Variants in MYO1D observed in about 807,000 individuals in gnomAD.
The protein encoded by MYO1D is myosin ID.
A neutral mutation model predicts 122.0 loss-of-function variants in MYO1D; 83 were observed. That is an observed-to-expected ratio of 0.68 (90% CI 0.57 to 0.82). The LOEUF is 0.82. MYO1D is among the 40% of genes least tolerant of loss of function. MYO1D has a pLI of 0.00. For synonymous variants in MYO1D, 464 were observed against 446.9 expected (o/e 1.04, Z -0.48); for missense variants, 1,157 against 1,269.5 (o/e 0.91, Z 1.35).
At chr17:32,848,641 A>G (rs138170207) in intron 1 of MYO1D, among the ~76,000 whole-genome samples, 128 of 152,252 alleles carry the variant, frequency 8.4e-4, no homozygotes, top group African/African-American at 3.0e-3. Context: ...TGTTGCTTAC[A>G]CTGGATTTAA....
chr17:32,603,871 C>T (rs2087593922), intron 21 of MYO1D, among the ~76,000 whole-genome samples: 1 of 152,068 alleles, frequency 6.6e-6, no homozygotes, highest in Non-Finnish European at 1.5e-5. Flanking sequence ...ATTTATTTGG[C>T]AGATGGAAAG....
intron 1 of MYO1D, among the ~76,000 whole-genome samples, chr17:32,856,071 C>A (rs932238856): frequency 6.6e-6 from 1 of 152,232 alleles, no homozygotes; most frequent in Middle Eastern, 3.4e-3. Flanking sequence ...AATGTGCATG[C>A]AGATGCTATT....
rs187657417 is a variant in MYO1D, at chr17:32,657,092, G to T, written c.2345+2023C>A. ...TAAATACGTGTAGCCAACAACAGCT[G>T]CAGCCATAAAAATCACCAGCCTCAA... On this transcript the variant is annotated intron_variant, in intron 17 of 21. Transcript: ENST00000318217. Among the ~76,000 whole-genome samples the T allele has an allele frequency of 6.4e-3, 975 of 152,300 alleles. 14 individuals carry two copies. Among genetic ancestry groups the T allele is most frequent in the African/African-American group, 0.022 (913 of 41,558 alleles).
intron 10 of MYO1D, among the ~76,000 whole-genome samples, chr17:32,757,397 C>G (rs2089959501): frequency 2.0e-5 from 3 of 152,006 alleles, no homozygotes; most frequent in Non-Finnish European, 4.4e-5. Context: ...TGGGTAGAGG[C>G]CAGGGGTGCT....
intron 14 of MYO1D, among the ~76,000 whole-genome samples, chr17:32,728,274 C>G (rs892216968): frequency 2.0e-5 from 3 of 151,300 alleles, no homozygotes; most frequent in Non-Finnish European, 2.9e-5. Context: ...GGCGTGATCT[C>G]AGCTCATTGC....
At chr17:32,713,756 A>G (rs2089408320) in intron 15 of MYO1D, among the ~76,000 whole-genome samples, 1 of 152,098 alleles carries the variant, frequency 6.6e-6, no homozygotes, top group South Asian at 2.1e-4. Flanking sequence ...CCTCCTGAGC[A>G]GTTGGGATTA....
At chr17:32,650,217 T>C (rs546843191) in intron 19 of MYO1D, among the ~76,000 whole-genome samples, 1 of 152,344 alleles carries the variant, frequency 6.6e-6, no homozygotes, top group Non-Finnish European at 1.5e-5. Context: ...TAAGTTGTTG[T>C]TGTTTTTTCA....
At chr17:32,808,315 C>T (rs1195387146) in intron 1 of MYO1D, among the ~76,000 whole-genome samples, 1 of 149,516 alleles carries the variant, frequency 6.7e-6, no homozygotes, top group Non-Finnish European at 1.5e-5. Context: ...TACGAGGCTG[C>T]AGTGAGATAT....
At chr17:32,663,732 C>T (rs2640837) in intron 16 of MYO1D, among the ~76,000 whole-genome samples, 66,884 of 151,956 alleles carry the variant, frequency 0.44, 14,989 homozygotes, top group East Asian at 0.54. Flanking sequence ...AAAGGGTCCC[C>T]GATGAAGGTG....
intron 1 of MYO1D, among the ~76,000 whole-genome samples, chr17:32,784,424 T>G (rs1230116539): frequency 6.6e-6 from 1 of 152,134 alleles, no homozygotes; most frequent in Non-Finnish European, 1.5e-5. Flanking sequence ...CAACGTCAGT[T>G]TTATGGTCTT....
chr17:32,635,700 G>A (rs1033968773), intron 20 of MYO1D, among the ~76,000 whole-genome samples: 4 of 151,476 alleles, frequency 2.6e-5, no homozygotes, highest in Non-Finnish European at 4.4e-5. Context: ...CTCGGGTGGC[G>A]GGGGGGTGGA....
In MYO1D at chr17:32,660,282, CTT is replaced by C. The variant is rs200999040; in HGVS notation, c.2122-946_2122-945del. On this transcript the variant is annotated intron_variant, in intron 16 of 21. Coordinates refer to ENST00000318217, the MANE Select transcript of MYO1D (RefSeq NM_015194.3). ...TGCTACTTAAATAACTGTTCCAACT[CTT>C]AGGTTGATTATATTATTTCCCTCCC... 4.0e-3 allele frequency among the ~76,000 whole-genome samples: 603 copies of C among 152,326 alleles called. 4 individuals are homozygous for C. The highest frequency in any genetic ancestry group is 8.1e-3 in the Admixed American group (124 of 15,290).
At chr17:32,730,561 G>A (rs1236921032) in intron 14 of MYO1D, among the ~76,000 whole-genome samples, 2 of 152,016 alleles carry the variant, frequency 1.3e-5, no homozygotes, top group Non-Finnish European at 2.9e-5. Flanking sequence ...ATTCTTTATT[G>A]TGCCTTTGTT....
intron 12 of MYO1D, among the ~76,000 whole-genome samples, chr17:32,747,663 C>A (rs2089851776): frequency 6.6e-6 from 1 of 151,826 alleles, no homozygotes; most frequent in Non-Finnish European, 1.5e-5. Context: ...ATGGTGAAAC[C>A]CCGTCTCCAC....
At chr17:32,636,944 G>A (rs2088108835) in intron 20 of MYO1D, among the ~76,000 whole-genome samples, 1 of 152,196 alleles carries the variant, frequency 6.6e-6, no homozygotes, top group Non-Finnish European at 1.5e-5. Context: ...GACAGCATCT[G>A]CAACGGGGTG....
At chr17:32,704,181 T>C (rs1023943524) in intron 16 of MYO1D, among the ~76,000 whole-genome samples, 1 of 152,174 alleles carries the variant, frequency 6.6e-6, no homozygotes, top group African/African-American at 2.4e-5. Flanking sequence ...AAATGTGATA[T>C]AAGGAACACA....
intron 21 of MYO1D, among the ~76,000 whole-genome samples, chr17:32,594,004 A>G (rs2087464852): frequency 6.6e-6 from 1 of 152,216 alleles, no homozygotes; most frequent in Admixed American, 6.5e-5. Flanking sequence ...GTGTTCTTAC[A>G]TAAAGGGGCA....
chr17:32,768,633 C>T (rs544011006), intron 6 of MYO1D, among the ~76,000 whole-genome samples: 1 of 152,144 alleles, frequency 6.6e-6, no homozygotes, highest in Non-Finnish European at 1.5e-5. Flanking sequence ...CAGGAGACAA[C>T]CAGGCCAGCC....
intron 1 of MYO1D, among the ~76,000 whole-genome samples, chr17:32,795,054 T>C (rs943027993): frequency 6.6e-6 from 1 of 151,926 alleles, no homozygotes. Context: ...AAGAAGGAAG[T>C]GTCAGGGTAA....
Sources: gnomAD v4.1 joint callset for allele counts (sites outside exome capture counted in the v4.1 genomes callset) on GRCh38, gnomAD v4.1.1 for gene constraint, MANE v1.5 for transcripts, NCBI Gene and HGNC (gene_info 2026-07-23, HGNC 2026-07-21) for gene names.